Variants in GNG7 observed in about 807,000 individuals in gnomAD.
GNG7 encodes G protein subunit gamma 7, also known as guanine nucleotide-binding protein G(I)/G(S)/G(O) subunit gamma-7.
A neutral mutation model predicts 4.0 loss-of-function variants in GNG7; 1 was observed. The observed-to-expected ratio is 0.25, with a 90% CI of 0.09 to 1.18. The LOEUF (loss-of-function observed/expected upper bound fraction) is 1.18. Ranked by LOEUF, GNG7 falls within the 50% of genes most tolerant of loss-of-function variation. The pLI is 0.50. For missense variants in GNG7, 86 were observed against 91.9 expected (o/e 0.94, Z 0.26); for synonymous variants, 34 against 36.9 (o/e 0.92, Z 0.29).
intron 3 of GNG7, chr19:2,538,002 G>A (rs992247867): frequency 1.6e-5 from 6 of 382,092 alleles, no homozygotes; most frequent in Admixed American, 3.0e-5. Flanking sequence ...GCTTGAACCT[G>A]GAAGGCGGAG....
intron 2 of GNG7, among the ~76,000 whole-genome samples, chr19:2,616,659 C>A (rs908236081): frequency 1.3e-5 from 2 of 151,850 alleles, no homozygotes; most frequent in Non-Finnish European, 2.9e-5. Context: ...GCCTGTAATC[C>A]CAGCTACTCA....
intron 1 of GNG7, among the ~76,000 whole-genome samples, chr19:2,657,383 T>A (rs867393779): frequency 0.018 from 1,513 of 82,802 alleles, 182 homozygotes; most frequent in Non-Finnish European, 0.03. Flanking sequence ...TATATATATA[T>A]ATATATATAT....
chr19:2,608,051 GA>G (rs56935207), intron 2 of GNG7, among the ~76,000 whole-genome samples: 28,027 of 98,926 alleles, frequency 0.28, 2,968 homozygotes, highest in Non-Finnish European at 0.35. Flanking sequence ...TGGTATTTGA[GA>G]AAAAAAAAAA....
chr19:2,580,118 G>GACC (rs1468148189), intron 2 of GNG7, among the ~76,000 whole-genome samples: 1 of 152,098 alleles, frequency 6.6e-6, no homozygotes, highest in Non-Finnish European at 1.5e-5. Context: ...GAATGCAGGT[G>GACC]TGCCCAGGGG....
Position 2,618,289 on chromosome 19 carries a change from GC to G in GNG7, c.-78+27934del, listed in dbSNP as rs1473582170. On this transcript the variant is annotated intron_variant, in intron 2 of 4. Transcript: ENST00000382159. This position sits in a 1 kb window ranked among gnomAD's most constrained non-coding sequence, Gnocchi z 5.1. ...AGGACACAGATTACTCCTCACCCAT[GC>G]CCCTTGCAAAGCTCTCAGCCACATT... Among the ~76,000 whole-genome samples, 3 of 151,932 alleles carry G rather than the reference GC, an allele frequency of 2.0e-5. No homozygotes were observed. The highest frequency in any genetic ancestry group is 4.4e-5 in the Non-Finnish European group (3 of 68,004).
chr19:2,553,356 A>G (rs1979397631), intron 3 of GNG7, among the ~76,000 whole-genome samples: 1 of 148,300 alleles, frequency 6.7e-6, no homozygotes, highest in African/African-American at 2.5e-5. Flanking sequence ...CATCTCTTAG[A>G]TACTGACATG....
At chr19:2,620,234 G>A (rs968831105) in intron 2 of GNG7, among the ~76,000 whole-genome samples, 1 of 109,144 alleles carries the variant, frequency 9.2e-6, no homozygotes, top group Non-Finnish European at 1.9e-5. Context: ...GGAGAGGGGA[G>A]GGGAGGGGAG....
At chr19:2,613,514 C>T (rs1018113251) in intron 2 of GNG7, among the ~76,000 whole-genome samples, 1 of 152,166 alleles carries the variant, frequency 6.6e-6, no homozygotes. Flanking sequence ...GACTCTTCCT[C>T]CTCTCTCCCT....
intron 3 of GNG7, among the ~76,000 whole-genome samples, chr19:2,541,754 A>T (rs1978970060): frequency 7.4e-6 from 1 of 134,918 alleles, no homozygotes. Context: ...AAAAAAAAAA[A>T]AATTAAAAGG....
In GNG7 at chr19:2,663,364, T is replaced by G. The variant is rs1264342848; in HGVS notation, c.-134-17084A>C. On this transcript the variant is annotated intron_variant, in intron 1 of 4. Coordinates refer to ENST00000382159, the MANE Select transcript of GNG7 (RefSeq NM_052847.3). ...TCTCTCTCCCCCCCCTCCTCTTTCT[T>G]CCCCAGTTCCCCAATCTTTCATATA... Among the ~76,000 whole-genome samples, 4 of 150,476 alleles carry G rather than the reference T, an allele frequency of 2.7e-5. 1 individual carries two copies. The Admixed American group carries it at 2.7e-4, about 10-fold the overall frequency.
intron 1 of GNG7, among the ~76,000 whole-genome samples, chr19:2,670,195 T>A (rs1294544409): frequency 6.6e-6 from 1 of 152,096 alleles, no homozygotes; most frequent in African/African-American, 2.4e-5. Context: ...GTCAGCCTCC[T>A]CAGGGGGTGA....
At position 2,512,245 on chromosome 19, in the gene GNG7, C is replaced by T. The variant is rs1460533340; in HGVS notation, c.*2777G>A. ...TGGAAACGCCCATAAAACATGCGTT[C>T]ACCCCAGGGATTCCCGGCAGAAAAG... On this transcript the variant is annotated 3_prime_UTR_variant, in exon 5 of 5. Coordinates refer to ENST00000382159, the MANE Select transcript of GNG7 (RefSeq NM_052847.3). This position sits in a 1 kb window ranked among gnomAD's most constrained non-coding sequence, Gnocchi z 4.7. The T allele has an allele frequency of 1.0e-6, 1 of 985,802 alleles. No individual in the cohort carries two copies. Among genetic ancestry groups the T allele is most frequent in the East Asian group, 1.1e-4 (1 of 8,834 alleles). 61.1% of individuals were successfully genotyped at this position (985,802 alleles called of 1,614,324 possible). A position where few individuals can be genotyped will look rare whatever the true frequency, so the allele number is the denominator to read the frequency against.
chr19:2,565,986 C>T (rs576177788), intron 2 of GNG7, among the ~76,000 whole-genome samples: 1 of 152,072 alleles, frequency 6.6e-6, no homozygotes, highest in South Asian at 2.1e-4. Context: ...GGTGAAACCC[C>T]GTCTCTACTA....
intron 1 of GNG7, among the ~76,000 whole-genome samples, chr19:2,685,156 G>A (rs1482700090): frequency 2.6e-5 from 4 of 151,412 alleles, no homozygotes; most frequent in Non-Finnish European, 5.9e-5. Context: ...AGAAAATAAA[G>A]TAGGATGGGA....
Position 2,677,923 on chromosome 19 carries a change from G to C in GNG7, c.-135+24723C>G, listed in dbSNP as rs115720718. ...GCCCCAAGGTCCACAGTGACAGAGAGTGATAACCGCTGCCATAATCTATAG... is the reference window on the plus strand; with the variant it reads ...GCCCCAAGGTCCACAGTGACAGAGACTGATAACCGCTGCCATAATCTATAG... On this transcript the variant is annotated intron_variant, in intron 1 of 4. Transcript: ENST00000382159. Among the ~76,000 whole-genome samples the C allele has an allele frequency of 9.5e-3, 1,449 of 152,312 alleles. 33 individuals are homozygous for C. The highest frequency in any genetic ancestry group is 0.033 in the African/African-American group (1,351 of 41,556).
intron 3 of GNG7, among the ~76,000 whole-genome samples, chr19:2,541,865 G>C (rs1181396828): frequency 6.6e-6 from 1 of 152,032 alleles, no homozygotes; most frequent in Non-Finnish European, 1.5e-5. Flanking sequence ...CAGTGAGCTA[G>C]GGTTTCACCA....
rs534202264 is a variant in GNG7, at chr19:2,634,800, C to T, written c.-78+11424G>A. ...CCAGGGGGAAATAAACCCGCTCTGA[C>T]TGGCCGCGGGGACTGGAGTTTGCTT... On this transcript the variant is annotated intron_variant, in intron 2 of 4. Transcript: ENST00000382159. This position sits in a 1 kb window ranked among gnomAD's most constrained non-coding sequence, Gnocchi z 5.3. Among the ~76,000 whole-genome samples, 4 of 152,172 alleles carry T rather than the reference C, an allele frequency of 2.6e-5. No individual in the cohort carries two copies. The highest frequency in any genetic ancestry group is 9.6e-5 in the African/African-American group (4 of 41,512).
In GNG7 at chr19:2,617,720, T is replaced by C. The variant is rs1981758471; in HGVS notation, c.-78+28504A>G. On this transcript the variant is annotated intron_variant, in intron 2 of 4. Transcript: ENST00000382159. This position sits in a 1 kb window ranked among gnomAD's most constrained non-coding sequence, Gnocchi z 4.7. Reference sequence around the variant, plus strand: ...CTCATCCTATTTTGTCTTTTCCTTTTTATTTTTTTTTTTTTTGAGATAGGG... The same window carrying C: ...CTCATCCTATTTTGTCTTTTCCTTTCTATTTTTTTTTTTTTTGAGATAGGG... 2.0e-5 allele frequency among the ~76,000 whole-genome samples: 3 copies of C among 147,722 alleles called. No homozygotes were observed. The South Asian group carries it at 6.3e-4, about 31-fold the overall frequency.
intron 3 of GNG7, among the ~76,000 whole-genome samples, chr19:2,523,881 G>T (rs1025592588): frequency 6.6e-6 from 1 of 152,066 alleles, no homozygotes; most frequent in African/African-American, 2.4e-5. Flanking sequence ...TCCAGCAGAC[G>T]TCCCACCCCC....
Sources: allele counts gnomAD v4.1 joint callset (sites outside exome capture counted in the v4.1 genomes callset), GRCh38; gene constraint gnomAD v4.1.1; non-coding constraint Gnocchi (gnomAD v3.1); transcripts MANE v1.5; gene names NCBI Gene and HGNC (gene_info 2026-07-23, HGNC 2026-07-21).